FBXL4: variants seen among roughly 807,000 people sequenced by gnomAD.
The protein encoded by FBXL4 is F-box/LRR-repeat protein 4.
In FBXL4, 40 loss-of-function variants were observed where a neutral mutation model predicts 58.9. The ratio of observed to expected loss-of-function variants is 0.68; its 90% CI spans 0.53 to 0.88. The LOEUF is 0.88. Among genes scored for constraint, FBXL4 ranks in the 40% least tolerant of loss-of-function variants. FBXL4 has a pLI of 0.00. For missense variants in FBXL4, 676 were observed against 734.4 expected (o/e 0.92, Z 0.92); for synonymous variants, 263 against 265.5 (o/e 0.99, Z 0.09).
intron 1 of FBXL4, among the ~76,000 whole-genome samples, chr6:98,940,159 T>G (rs1308365465): frequency 6.6e-6 from 1 of 152,224 alleles, no homozygotes; most frequent in Non-Finnish European, 1.5e-5. Context: ...TAGACTAGTA[T>G]CTACATATAT....
chr6:98,909,243 T>C (rs1039158850), intron 5 of FBXL4, among the ~76,000 whole-genome samples: 13 of 152,224 alleles, frequency 8.5e-5, no homozygotes, highest in Non-Finnish European at 1.9e-4. Flanking sequence ...TGCAAATCTC[T>C]TGGTGAAACC....
At chr6:98,899,069 T>A in intron 7 of FBXL4, 199 bp downstream of exon 7, 3 of 985,314 alleles carry the variant, frequency 3.0e-6, no homozygotes, top group Non-Finnish European at 3.6e-6. Flanking sequence ...GAGAAGAACA[T>A]TTCCTTATAA....
chr6:98,942,782 A>C (rs1582464199), intron 1 of FBXL4, among the ~76,000 whole-genome samples: 1 of 152,260 alleles, frequency 6.6e-6, no homozygotes, highest in African/African-American at 2.4e-5. Context: ...AAATCAATAA[A>C]ACCAAGAATG....
intron 2 of FBXL4, among the ~76,000 whole-genome samples, chr6:98,929,254 G>A (rs1025515515): frequency 1.3e-4 from 20 of 152,104 alleles, no homozygotes; most frequent in Non-Finnish European, 1.6e-4. Context: ...AAGAAGTGCA[G>A]AGAATCCACA....
At chr6:98,904,859 A>G (rs188292557) in intron 6 of FBXL4, among the ~76,000 whole-genome samples, 1 of 152,344 alleles carries the variant, frequency 6.6e-6, no homozygotes, top group East Asian at 1.9e-4. Context: ...AACAGGTGAC[A>G]TTTAATAGTA....
At position 98,875,452 on chromosome 6, in the gene FBXL4, T is replaced by C; in HGVS notation, c.1665A>G (p.Ala555=). 1 of 1,614,150 alleles carries C rather than the reference T, an allele frequency of 6.2e-7. No individual in the cohort carries two copies. Among genetic ancestry groups the C allele is most frequent in the South Asian group, 1.1e-5 (1 of 91,086 alleles). ...SVCDTDIDEL[A]CNCTRLQQLD... is the part of the protein sequence containing the mutation. ...GCTGCTGTAACCTGGTACAATTACATGCCAATTCATCAATGTCTGTGTCAC... is the reference window on the plus strand; with the variant it reads ...GCTGCTGTAACCTGGTACAATTACACGCCAATTCATCAATGTCTGTGTCAC... Residue 555 remains alanine, a synonymous_variant, in exon 9 of 10, where the codon GCA becomes GCG. Coordinates refer to ENST00000369244, the MANE Select transcript of FBXL4 (RefSeq NM_001278716.2).
intron 7 of FBXL4, among the ~76,000 whole-genome samples, chr6:98,892,852 T>C (rs1007016099): frequency 4.6e-5 from 7 of 152,226 alleles, no homozygotes; most frequent in African/African-American, 7.2e-5. Flanking sequence ...ACCATACTTA[T>C]GGATTACTGT....
intron 8 of FBXL4, among the ~76,000 whole-genome samples, chr6:98,879,337 C>T (rs1770764776): frequency 6.6e-6 from 1 of 152,166 alleles, no homozygotes; most frequent in Non-Finnish European, 1.5e-5. Context: ...TGGGGATCTC[C>T]TAAACCTACA....
chr6:98,909,479 T>A (rs771039060), intron 5 of FBXL4, among the ~76,000 whole-genome samples: 2 of 152,210 alleles, frequency 1.3e-5, no homozygotes, highest in Non-Finnish European at 2.9e-5. Context: ...TTGTACCTTC[T>A]CTTCCCTTTG....
intron 4 of FBXL4, among the ~76,000 whole-genome samples, chr6:98,919,363 C>T (rs1772491266): frequency 6.6e-6 from 1 of 152,072 alleles, no homozygotes. Flanking sequence ...CTGATTCTCT[C>T]CTGAAATGTA....
chr6:98,899,457 T>C lies in FBXL4; in HGVS notation c.1128A>G (p.Glu376=). Residue 376 remains glutamate (E), a synonymous_variant, in exon 7 of 10, where the codon GAA becomes GAG. Coordinates refer to ENST00000369244, the MANE Select transcript of FBXL4 (RefSeq NM_001278716.2). ...TGCAAGACAATTCAAGGCGTACTAA[T>C]TCGGATCCACAAACCTTCAGAAACC... The part of the protein sequence containing the change: ...FSRFLKVCGS[E]LVRLELSCSH... 6.2e-7 allele frequency: 1 copy of C among 1,613,716 alleles called. No homozygotes were observed. Among genetic ancestry groups the C allele is most frequent in the East Asian group, 2.2e-5 (1 of 44,858 alleles).
chr6:98,912,580 T>C (rs1443503437), intron 5 of FBXL4, among the ~76,000 whole-genome samples: 1 of 151,772 alleles, frequency 6.6e-6, no homozygotes, highest in Non-Finnish European at 1.5e-5. Context: ...CAAACTAAGC[T>C]TCATAAGTGA....
rs58270328 is a variant in FBXL4 at position 98,899,059 on chromosome 6, G to C, written c.1317+209C>G. 0.11 allele frequency: 111,529 copies of C among 984,994 alleles called. 6,598 individuals are homozygous for C. The highest frequency in any genetic ancestry group is 0.21 in the East Asian group (1,885 of 8,804). The allele number at this position is 984,994 out of a possible 1,614,324, so 61.0% of individuals were successfully genotyped here. ...GCATCACAAAAATTTTAAGAGCATA[G>C]AGAAGAACATTTCCTTATAATTTAA... On this transcript the variant is annotated intron_variant, in intron 7 of 9. Transcript: ENST00000369244.
At chr6:98,933,474 G>T (rs1422238742) in intron 2 of FBXL4, among the ~76,000 whole-genome samples, 1 of 152,052 alleles carries the variant, frequency 6.6e-6, no homozygotes, top group African/African-American at 2.4e-5. Flanking sequence ...CTGCTTTCAT[G>T]CCTCAGCATC....
rs1395617784 is a variant in FBXL4 at position 98,875,570 on chromosome 6, G to A, written c.1547C>T (p.Pro516Leu). The A allele has an allele frequency of 3.1e-6, 5 of 1,614,110 alleles. No homozygotes were observed. The highest frequency in any genetic ancestry group is 4.2e-6 in the Non-Finnish European group (5 of 1,180,010). ...GCACCCGGTGCTGCTCTGCAGAGTT[G>A]GGCACCAGCCAAGGTCAAGCTCCTC... Reference protein sequence around the residue: ...LLEELDLGWCPTLQSSTGCFT... With the variant: ...LLEELDLGWCLTLQSSTGCFT... Residue 516 changes from proline (P) to leucine (L), a missense_variant, in exon 9 of 10, where the codon CCA becomes CTA. Physicochemically the swap from Pro to Leu is moderately conservative, Grantham distance 98. Transcript: ENST00000369244.
chr6:98,896,054 AC>A (rs1266035980), intron 7 of FBXL4, among the ~76,000 whole-genome samples: 2 of 152,150 alleles, frequency 1.3e-5, no homozygotes, highest in African/African-American at 4.8e-5. Context: ...CTCCAAGAAA[AC>A]TAAAATTATT....
At chr6:98,910,695 G>A (rs1772011206) in intron 5 of FBXL4, among the ~76,000 whole-genome samples, 1 of 151,962 alleles carries the variant, frequency 6.6e-6, no homozygotes, top group African/African-American at 2.4e-5. Flanking sequence ...GTGGGGGGAG[G>A]AGCCAAGATG....
chr6:98,924,966 C>G (rs1772719660), intron 4 of FBXL4, among the ~76,000 whole-genome samples: 1 of 152,170 alleles, frequency 6.6e-6, no homozygotes, highest in Non-Finnish European at 1.5e-5. Flanking sequence ...TGACACATCT[C>G]TAATACCTAG....
Position 98,871,898 on chromosome 6 carries a change from C to T in FBXL4, c.*2380G>A, listed in dbSNP as rs944946150. 3.3e-5 allele frequency: 5 copies of T among 152,178 alleles called. No homozygotes were observed. Among genetic ancestry groups the T allele is most frequent in the African/African-American group, 1.2e-4 (5 of 41,432 alleles). 9.4% of individuals were successfully genotyped at this position (152,178 alleles called of 1,614,324 possible). ...ATTTTTCTGAAAAAGAAGACATGTCCTCAATCACTATTATGGAACACTGAA... is the reference window on the plus strand; with the variant it reads ...ATTTTTCTGAAAAAGAAGACATGTCTTCAATCACTATTATGGAACACTGAA... On this transcript the variant is annotated 3_prime_UTR_variant, in exon 10 of 10. Transcript: ENST00000369244.
Sources: gnomAD v4.1 joint callset for allele counts (sites outside exome capture counted in the v4.1 genomes callset) on GRCh38, gnomAD v4.1.1 for gene constraint, MANE v1.5 for transcripts, NCBI Gene and HGNC (gene_info 2026-07-23, HGNC 2026-07-21) for gene names.